Variants in GALNT13 observed in about 807,000 individuals in gnomAD.
The protein encoded by GALNT13 is UDP-GalNAc:polypeptide N-acetylgalactosaminyltransferase 13.
Under a neutral mutation model 64.2 loss-of-function variants are expected in GALNT13, and 28 were observed. The observed-to-expected ratio is 0.44, with a 90% CI of 0.32 to 0.60. GALNT13 has a LOEUF of 0.60. Ranked by LOEUF, GALNT13 falls within the 20% of genes least tolerant of loss-of-function variation. The pLI, the probability that GALNT13 is intolerant of heterozygous loss-of-function variation, is 0.05. For missense variants in GALNT13, 577 were observed against 669.8 expected (o/e 0.86, Z 1.53); for synonymous variants, 214 against 224.6 (o/e 0.95, Z 0.42).
chr2:153,492,212 A>G, the GALNT13 span, among the ~76,000 whole-genome samples: 2 of 152,280 alleles, frequency 1.3e-5, no homozygotes, highest in Non-Finnish European at 2.9e-5. Flanking sequence ...TAACCTGAAG[A>G]CAGCGTCTAA....
chr2:153,300,733 A>G, the GALNT13 span, among the ~76,000 whole-genome samples: 2 of 152,198 alleles, frequency 1.3e-5, no homozygotes, highest in Non-Finnish European at 2.9e-5. Context: ...CTGAGAGATT[A>G]TGTACCATAA....
At chr2:153,652,373 C>T in the GALNT13 span, among the ~76,000 whole-genome samples, 2 of 152,116 alleles carry the variant, frequency 1.3e-5, no homozygotes, top group East Asian at 1.9e-4. Flanking sequence ...GTAATCCCAG[C>T]ACCTTGGGAG....
the GALNT13 span, among the ~76,000 whole-genome samples, chr2:153,770,978 C>A: frequency 6.6e-6 from 1 of 152,176 alleles, no homozygotes; most frequent in Non-Finnish European, 1.5e-5. Context: ...GTGGCCTAAA[C>A]TTCTAATCTA....
At chr2:153,708,442 G>A in the GALNT13 span, among the ~76,000 whole-genome samples, 5 of 152,056 alleles carry the variant, frequency 3.3e-5, no homozygotes, top group African/African-American at 4.8e-5. Flanking sequence ...GCATTTGATT[G>A]GCTGTGTATC....
At chr2:153,948,732 G>A (rs1391988765) in intron 3 of GALNT13, among the ~76,000 whole-genome samples, 1 of 152,042 alleles carries the variant, frequency 6.6e-6, no homozygotes, top group East Asian at 1.9e-4. Context: ...GAGGCAGTTA[G>A]CCTTAGCAAA....
the GALNT13 span, among the ~76,000 whole-genome samples, chr2:153,763,042 T>A: frequency 6.6e-6 from 1 of 151,842 alleles, no homozygotes; most frequent in Admixed American, 6.6e-5. Flanking sequence ...TATACCCACA[T>A]TTTATGTTTT....
the GALNT13 span, among the ~76,000 whole-genome samples, chr2:153,757,448 A>G: frequency 6.6e-6 from 1 of 152,216 alleles, no homozygotes; most frequent in Non-Finnish European, 1.5e-5. Context: ...CTTGACAATT[A>G]TAAATAAAGC....
At chr2:154,000,929 C>T (rs1695862103) in intron 3 of GALNT13, among the ~76,000 whole-genome samples, 1 of 151,808 alleles carries the variant, frequency 6.6e-6, no homozygotes, top group Non-Finnish European at 1.5e-5. Flanking sequence ...CCAATCTCTC[C>T]CTTTAGGTCT....
At chr2:154,209,611 G>T (rs762056814) in intron 4 of GALNT13, among the ~76,000 whole-genome samples, 2 of 152,056 alleles carry the variant, frequency 1.3e-5, no homozygotes, top group Non-Finnish European at 2.9e-5. Context: ...AACTCTGCTA[G>T]ACATTTTTTT....
At chr2:153,109,085 A>T in the GALNT13 span, among the ~76,000 whole-genome samples, 1 of 152,150 alleles carries the variant, frequency 6.6e-6, no homozygotes, top group African/African-American at 2.4e-5. Context: ...GTCTAGATTG[A>T]CTTGCTGTAG....
intron 9 of GALNT13, among the ~76,000 whole-genome samples, chr2:154,375,212 T>TC (rs1225952102): frequency 1.1e-5 from 1 of 93,626 alleles, no homozygotes; most frequent in Non-Finnish European, 2.6e-5. Context: ...ATGATCTCGA[T>TC]CTACTGACCT....
chr2:153,988,725 C>A (rs915739181), intron 3 of GALNT13, among the ~76,000 whole-genome samples: 3 of 151,846 alleles, frequency 2.0e-5, no homozygotes, highest in Non-Finnish European at 4.4e-5. Flanking sequence ...TCTATCTAAA[C>A]CCTTGGTGAA....
the GALNT13 span, chr2:153,478,535 C>T: frequency 6.2e-7 from 1 of 1,604,734 alleles, no homozygotes; most frequent in Non-Finnish European, 8.5e-7. Context: ...AGGCCCGCCA[C>T]GTCCGTCTGG....
intron 4 of GALNT13, among the ~76,000 whole-genome samples, chr2:154,144,151 T>C (rs1358922511): frequency 6.6e-6 from 1 of 152,250 alleles, no homozygotes; most frequent in Non-Finnish European, 1.5e-5. Flanking sequence ...GTATATGTTA[T>C]AAGTAAGAAA....
At chr2:154,181,250 G>A (rs1194353245) in intron 4 of GALNT13, among the ~76,000 whole-genome samples, 5 of 151,984 alleles carry the variant, frequency 3.3e-5, no homozygotes, top group South Asian at 2.1e-4. Flanking sequence ...GTAACACTTC[G>A]GGGAACAGAT....
chr2:153,477,237 C>T, the GALNT13 span: 1 of 152,512 alleles, frequency 6.6e-6, no homozygotes, highest in Non-Finnish European at 1.5e-5. Flanking sequence ...TGAATCGCAG[C>T]TCTCCAGGGT....
chr2:154,450,233 G>A (rs1244284271), intron 12 of GALNT13, among the ~76,000 whole-genome samples, 178 bp from the exon 13 acceptor site: 1 of 151,996 alleles, frequency 6.6e-6, no homozygotes, highest in Non-Finnish European at 1.5e-5. Context: ...CTTCATAACA[G>A]TCAAAGATGT....
At chr2:153,140,609 C>T in the GALNT13 span, among the ~76,000 whole-genome samples, 1 of 152,052 alleles carries the variant, frequency 6.6e-6, no homozygotes, top group East Asian at 1.9e-4. Context: ...TTTTACAGTG[C>T]TCTCCAAGTT....
Position 154,440,242 on chromosome 2 carries a change from G to A in GALNT13, c.1530+1516G>A, listed in dbSNP as rs115240860. On this transcript the variant is annotated intron_variant, in intron 12 of 12. Transcript: ENST00000392825. ...TATTTATTAAGAAAGGGGAATGATCGTGTACATTTTTATAAAAGCAAGCAG... is the reference window on the plus strand; with the variant it reads ...TATTTATTAAGAAAGGGGAATGATCATGTACATTTTTATAAAAGCAAGCAG... Among the ~76,000 whole-genome samples the A allele has an allele frequency of 9.1e-3, 1,387 of 152,188 alleles. 18 individuals are homozygous for A. Among genetic ancestry groups the A allele is most frequent in the South Asian group, 0.036 (176 of 4,824 alleles).
Sources: allele counts gnomAD v4.1 joint callset (sites outside exome capture counted in the v4.1 genomes callset), GRCh38; gene constraint gnomAD v4.1.1; transcripts MANE v1.5; gene names NCBI Gene and HGNC (gene_info 2026-07-23, HGNC 2026-07-21).